Variants in PCDHGA1 observed in about 807,000 individuals in gnomAD.
PCDHGA1 encodes the protein protocadherin gamma-A1.
A neutral mutation model predicts 58.0 loss-of-function variants in PCDHGA1; 32 were observed. The observed-to-expected ratio is 0.55, with a 90% CI of 0.42 to 0.74. PCDHGA1 has a LOEUF of 0.74. PCDHGA1 is among the 30% of genes least tolerant of loss of function. PCDHGA1 has a pLI of 0.00. For missense variants in PCDHGA1, 1,205 were observed against 1,182.3 expected (o/e 1.02, Z -0.28); for synonymous variants, 498 against 501.1 (o/e 0.99, Z 0.08).
Position 141,493,360 on chromosome 5 carries a change from G to T in PCDHGA1, c.2422-1447G>T, listed in dbSNP as rs1364095483. Reference sequence around the variant, plus strand: ...CAGAATGTGTGCTTTTAATTTCTTGGCACTTGGAACTTTAAAAGCTTGAGG... The same window carrying T: ...CAGAATGTGTGCTTTTAATTTCTTGTCACTTGGAACTTTAAAAGCTTGAGG... On this transcript the variant is annotated intron_variant, in intron 1 of 3. Transcript: ENST00000517417. This position sits in a 1 kb window ranked among gnomAD's most constrained non-coding sequence, Gnocchi z 4.3. Among the ~76,000 whole-genome samples the T allele has an allele frequency of 6.6e-6, 1 of 152,144 alleles. No individual in the cohort carries two copies. The highest frequency in any genetic ancestry group is 1.5e-5 in the Non-Finnish European group (1 of 68,022).
chr5:141,352,344 T>A, intron 1 of PCDHGA1: 1 of 1,614,064 alleles, frequency 6.2e-7, no homozygotes, highest in East Asian at 2.2e-5. Flanking sequence ...TTGGCCTTGA[T>A]CTCAGTGCTC....
Position 141,406,737 on chromosome 5 carries a change from T to C in PCDHGA1, c.2421+73632T>C, listed in dbSNP as rs540886306. 1.1e-4 allele frequency among the ~76,000 whole-genome samples: 16 copies of C among 152,348 alleles called. No homozygotes were observed. The South Asian group carries it at 3.3e-3, about 32-fold the overall frequency. ...AAGAGAAGTTTCTAAGACTGGACAC[T>C]GTGAAATGACAAAACAAGGAATTAA... On this transcript the variant is annotated intron_variant, in intron 1 of 3. Coordinates refer to ENST00000517417, the MANE Select transcript of PCDHGA1 (RefSeq NM_018912.3).
chr5:141,341,865 G>C (rs1006777497), intron 1 of PCDHGA1: 6 of 170,896 alleles, frequency 3.5e-5, no homozygotes, highest in Admixed American at 2.9e-4. Context: ...TTCTCATTCA[G>C]TCTTAATACA....
chr5:141,405,326 T>C (rs764056952), intron 1 of PCDHGA1: 2 of 1,614,220 alleles, frequency 1.2e-6, no homozygotes, highest in South Asian at 2.2e-5. Context: ...TGAGCCTTTG[T>C]GCGTCTCTGT....
chr5:141,406,620 C>T (rs1355085005), intron 1 of PCDHGA1, among the ~76,000 whole-genome samples: 1 of 152,148 alleles, frequency 6.6e-6, no homozygotes, highest in Non-Finnish European at 1.5e-5. Flanking sequence ...CTTTTATTCT[C>T]ATATCTTCAA....
chr5:141,485,497 T>C lies in PCDHGA1; in HGVS notation c.2422-9310T>C, dbSNP rs1594488328. On this transcript the variant is annotated intron_variant, in intron 1 of 3. Coordinates refer to ENST00000517417, the MANE Select transcript of PCDHGA1 (RefSeq NM_018912.3). The surrounding 1 kb of genome is among the most constrained non-coding windows in gnomAD (Gnocchi z 5.7). ...CCAGCTGCATCGTGCCCCTGGAGTT[T>C]GTCACCGAAGGTCCTTTGGAAATGT... 6.2e-7 allele frequency: 1 copy of C among 1,614,112 alleles called. No homozygotes were observed. The highest frequency in any genetic ancestry group is 1.3e-5 in the African/African-American group (1 of 74,998).
In PCDHGA1 at chr5:141,394,564, G is replaced by C. The variant is rs200338108; in HGVS notation, c.2421+61459G>C. 4.7e-3 allele frequency: 7,544 copies of C among 1,612,816 alleles called. 48 individuals carry two copies. The highest frequency in any genetic ancestry group is 9.5e-3 in the Admixed American group (568 of 59,990). On this transcript the variant is annotated intron_variant, in intron 1 of 3. Transcript: ENST00000517417. Reference sequence around the variant, plus strand: ...GAGCTGGCGCCCCGCTCCGCAGAGCGTGGCTACCTGGTGACCAAGGTGGTG... The same window carrying C: ...GAGCTGGCGCCCCGCTCCGCAGAGCCTGGCTACCTGGTGACCAAGGTGGTG...
chr5:141,372,395 C>G (rs1768730158), intron 1 of PCDHGA1: 1 of 1,613,942 alleles, frequency 6.2e-7, no homozygotes, highest in Admixed American at 1.7e-5. Context: ...TCGCAGATAG[C>G]TTGCAAGAGA....
rs201540226 is a variant in PCDHGA1, at chr5:141,399,196, G to T, written c.2421+66091G>T. On this transcript the variant is annotated intron_variant, in intron 1 of 3. Coordinates refer to ENST00000517417, the MANE Select transcript of PCDHGA1 (RefSeq NM_018912.3). ...ACTTGAAATGATTCTGGAAAACGCG[G>T]TGCCTGGAACACTAATTGCTTTGAT... The T allele has an allele frequency of 4.2e-5, 67 of 1,613,820 alleles. 1 individual carries two copies. In the African/African-American group the frequency reaches 5.7e-4, roughly 14 times the overall value.
intron 1 of PCDHGA1, chr5:141,356,480 AG>A: frequency 6.2e-7 from 1 of 1,613,992 alleles, no homozygotes; most frequent in South Asian, 1.1e-5. Flanking sequence ...GCCACTGACC[AG>A]GGAACTCCTC....
At chr5:141,366,325 C>G (rs1401034838) in intron 1 of PCDHGA1, 1 of 1,613,826 alleles carries the variant, frequency 6.2e-7, no homozygotes, top group East Asian at 2.2e-5. Flanking sequence ...TTGCCGTGGC[C>G]GACAGGATCC....
Position 141,345,486 on chromosome 5 carries a change from G to A in PCDHGA1, c.2421+12381G>A, listed in dbSNP as rs773154186. On this transcript the variant is annotated intron_variant, in intron 1 of 3. Transcript: ENST00000517417. ...CCAGGACCCAGATAGCAACAACAAC[G>A]CCCGCATCACTTATGCATTGACCGA... 3.7e-6 allele frequency: 6 copies of A among 1,613,890 alleles called. No individual in the cohort carries two copies. The Admixed American group carries it at 6.7e-5, about 18-fold the overall frequency.
At position 141,491,251 on chromosome 5, in the gene PCDHGA1, C is replaced by A; in HGVS notation, c.2422-3556C>A. On this transcript the variant is annotated intron_variant, in intron 1 of 3. Coordinates refer to ENST00000517417, the MANE Select transcript of PCDHGA1 (RefSeq NM_018912.3). This position sits in a 1 kb window ranked among gnomAD's most constrained non-coding sequence, Gnocchi z 6.9. ...GCTGCTGGTTCTGGAGGATGAGGAC[C>A]CTGAGGAAATGCCCAAATCCAGTGA... 6.2e-7 allele frequency: 1 copy of A among 1,614,144 alleles called. No homozygotes were observed. Among genetic ancestry groups the A allele is most frequent in the Non-Finnish European group, 8.5e-7 (1 of 1,180,016 alleles).
At chr5:141,458,413 G>A (rs138479316) in intron 1 of PCDHGA1, among the ~76,000 whole-genome samples, 1 of 152,196 alleles carries the variant, frequency 6.6e-6, no homozygotes, top group East Asian at 1.9e-4. Context: ...CGGAGCGGGG[G>A]TTCCAAAGCT....
intron 1 of PCDHGA1, chr5:141,357,431 A>T: frequency 6.2e-7 from 1 of 1,614,198 alleles, no homozygotes; most frequent in Non-Finnish European, 8.5e-7. Context: ...GTGGGCGTGG[A>T]CGGGGTTCGG....
intron 1 of PCDHGA1, among the ~76,000 whole-genome samples, chr5:141,457,968 G>A (rs919621979): frequency 6.6e-6 from 1 of 152,120 alleles, no homozygotes; most frequent in African/African-American, 2.4e-5. Context: ...TTCCTTAAAG[G>A]GAAACACACC....
chr5:141,399,283 G>A, intron 1 of PCDHGA1: 2 of 1,613,888 alleles, frequency 1.2e-6, no homozygotes, highest in Non-Finnish European at 1.7e-6. Flanking sequence ...ACAAGGCGAA[G>A]TCCCTTTTAA....
intron 1 of PCDHGA1, chr5:141,377,502 A>G (rs1373807437): frequency 6.6e-6 from 1 of 152,050 alleles, no homozygotes. Flanking sequence ...AAGCTCTGAT[A>G]GGAGGATTGC....
At position 141,361,943 on chromosome 5, in the gene PCDHGA1, G is replaced by T. The variant is rs758202252; in HGVS notation, c.2421+28838G>T. ...GACGCAGACTCAGGACACAACGCTTGGCTGTCCTACCACGTGCTGCAGGCC... is the reference window on the plus strand; with the variant it reads ...GACGCAGACTCAGGACACAACGCTTTGCTGTCCTACCACGTGCTGCAGGCC... On this transcript the variant is annotated intron_variant, in intron 1 of 3. Coordinates refer to ENST00000517417, the MANE Select transcript of PCDHGA1 (RefSeq NM_018912.3). 6.2e-6 allele frequency: 10 copies of T among 1,605,254 alleles called. No individual in the cohort carries two copies. In the Admixed American group the frequency reaches 1.7e-4, roughly 27 times the overall value.
Sources: allele counts gnomAD v4.1 joint callset (sites outside exome capture counted in the v4.1 genomes callset), GRCh38; gene constraint gnomAD v4.1.1; non-coding constraint Gnocchi (gnomAD v3.1); transcripts MANE v1.5; gene names NCBI Gene and HGNC (gene_info 2026-07-23, HGNC 2026-07-21).